The following TSHZ2 variants were observed in gnomAD, a reference collection of about 807,000 sequenced individuals.
TSHZ2 encodes the protein teashirt homolog 2.
TSHZ2 carries 21 observed loss-of-function variants against 74.4 expected under a neutral mutation model. That is an observed-to-expected ratio of 0.28 (90% confidence interval 0.20 to 0.41). The LOEUF (loss-of-function observed/expected upper bound fraction) is 0.41, where lower values mean the gene tolerates loss of function less well. Among genes scored for constraint, TSHZ2 ranks in the 10% least tolerant of loss-of-function variants. The pLI is 1.00. For synonymous variants in TSHZ2, 540 were observed against 515.3 expected (o/e 1.05, Z -0.65); for missense variants, 1,244 against 1,293.5 (o/e 0.96, Z 0.59).
chr20:52,997,116 TAGAA>T (rs1008749258), intron 1 of TSHZ2, among the ~76,000 whole-genome samples: 10 of 152,270 alleles, frequency 6.6e-5, no homozygotes, highest in Admixed American at 5.9e-4. Flanking sequence ...CAGATTGTCT[TAGAA>T]AGACATCAGT....
At chr20:53,482,744 A>C (rs1363623131) in intron 2 of TSHZ2, among the ~76,000 whole-genome samples, 1 of 151,920 alleles carries the variant, frequency 6.6e-6, no homozygotes, top group Non-Finnish European at 1.5e-5. Flanking sequence ...TCTCTACAAA[A>C]AATACAAAAA....
At chr20:53,405,248 C>CA (rs796097312) in intron 2 of TSHZ2, among the ~76,000 whole-genome samples, 117,926 of 143,384 alleles carry the variant, frequency 0.82, 49,474 homozygotes, top group South Asian at 0.92. Flanking sequence ...GACTCTGTCT[C>CA]AAAAAAAAAA....
intron 2 of TSHZ2, among the ~76,000 whole-genome samples, chr20:53,356,301 G>A (rs1241391790): frequency 6.6e-6 from 1 of 152,098 alleles, no homozygotes; most frequent in Non-Finnish European, 1.5e-5. Context: ...AAATCTGAGG[G>A]ATAATTATGA....
intron 2 of TSHZ2, among the ~76,000 whole-genome samples, chr20:53,361,303 T>C (rs926098168): frequency 2.0e-5 from 3 of 152,206 alleles, no homozygotes; most frequent in Non-Finnish European, 1.5e-5. Context: ...GGAGAAATGA[T>C]ATTTTTTAGC....
intron 2 of TSHZ2, among the ~76,000 whole-genome samples, chr20:53,274,783 TTC>T (rs1225184510): frequency 2.6e-5 from 4 of 152,174 alleles, no homozygotes; most frequent in Non-Finnish European, 5.9e-5. Context: ...CTAGCGCTCT[TTC>T]TCTTTCTTTG....
At chr20:52,987,742 C>T (rs1292470004) in intron 1 of TSHZ2, among the ~76,000 whole-genome samples, 1 of 152,138 alleles carries the variant, frequency 6.6e-6, no homozygotes, top group African/African-American at 2.4e-5. Flanking sequence ...CCAGAAAAGT[C>T]TTCAATTAAG....
intron 2 of TSHZ2, among the ~76,000 whole-genome samples, chr20:53,437,459 C>G (rs1303929258): frequency 6.6e-6 from 1 of 151,714 alleles, no homozygotes; most frequent in African/African-American, 2.4e-5. Context: ...GGTGTCAGAG[C>G]AAGACTCCAT....
In TSHZ2 at chr20:53,000,308, A is replaced by G. The variant is rs145308092; in HGVS notation, c.40+26975A>G. Among the ~76,000 whole-genome samples, 1,003 of 152,326 alleles carry G rather than the reference A, an allele frequency of 6.6e-3. 17 individuals are homozygous for G. Among genetic ancestry groups the G allele is most frequent in the African/African-American group, 0.023 (952 of 41,572 alleles). On this transcript the variant is annotated intron_variant, in intron 1 of 2. Transcript: ENST00000371497. ...TCTTAAATTTTGTCTCTTGGCCTGC[A>G]AAGCTCAAATTTACTATTTGGTCCT...
chr20:53,051,222 C>T (rs1313963135), intron 1 of TSHZ2, among the ~76,000 whole-genome samples: 1 of 152,070 alleles, frequency 6.6e-6, no homozygotes, highest in Non-Finnish European at 1.5e-5. Context: ...GCCTGTAATC[C>T]CAGCTACTTG....
chr20:53,275,090 T>C (rs564808676), intron 2 of TSHZ2, among the ~76,000 whole-genome samples: 88 of 152,152 alleles, frequency 5.8e-4, no homozygotes, highest in Non-Finnish European at 1.1e-3. Context: ...TTCCTAACAA[T>C]GGGGAAAAGT....
chr20:53,247,743 G>T (rs1237867023), intron 1 of TSHZ2, among the ~76,000 whole-genome samples: 2 of 152,166 alleles, frequency 1.3e-5, no homozygotes, highest in African/African-American at 2.4e-5. Context: ...GTAGATTGGC[G>T]AAAACGATCC....
chr20:53,144,015 A>T (rs1987477943), intron 1 of TSHZ2, among the ~76,000 whole-genome samples: 1 of 152,156 alleles, frequency 6.6e-6, no homozygotes, highest in Non-Finnish European at 1.5e-5. Context: ...TATGGAGTTG[A>T]AACTGTACTC....
intron 1 of TSHZ2, chr20:53,178,575 T>C (rs1268758718): frequency 6.6e-6 from 1 of 152,280 alleles, no homozygotes; most frequent in East Asian, 1.9e-4. Flanking sequence ...GCATATTAAA[T>C]GTACACACAA....
intron 1 of TSHZ2, among the ~76,000 whole-genome samples, chr20:52,980,604 G>A (rs759882053): frequency 1.3e-5 from 2 of 152,188 alleles, no homozygotes; most frequent in Non-Finnish European, 2.9e-5. Flanking sequence ...TAGATATTAA[G>A]GTGGGTAGAA....
intron 2 of TSHZ2, among the ~76,000 whole-genome samples, chr20:53,382,356 C>G (rs1209072347): frequency 1.3e-5 from 2 of 152,210 alleles, no homozygotes; most frequent in Non-Finnish European, 2.9e-5. Context: ...GCCTTTGACT[C>G]TCCAAAACCC....
chr20:53,127,028 G>A lies in TSHZ2; in HGVS notation c.41-126471G>A, dbSNP rs866253601. Among the ~76,000 whole-genome samples, 6 of 151,242 alleles carry A rather than the reference G, an allele frequency of 4.0e-5. No individual in the cohort carries two copies. The East Asian group carries it at 9.6e-4, about 24-fold the overall frequency. Reference sequence around the variant, plus strand: ...AAGGAAGGAAAAAGGTAAAAAAAAAGAAGAAGAGGAAGAGAAAAAGAAAGA... The same window carrying A: ...AAGGAAGGAAAAAGGTAAAAAAAAAAAAGAAGAGGAAGAGAAAAAGAAAGA... On this transcript the variant is annotated intron_variant, in intron 1 of 2. Transcript: ENST00000371497.
chr20:53,321,697 A>AAAAAAAAAAAAAAAAAAAAAAG (rs1555850300), intron 2 of TSHZ2, among the ~76,000 whole-genome samples: 2 of 140,516 alleles, frequency 1.4e-5, no homozygotes, highest in African/African-American at 2.8e-5. Context: ...AAAAAAAAAA[A>AAAAAAAAAAAAAAAAAAAAAAG]AAAGAAAGAC....
intron 1 of TSHZ2, among the ~76,000 whole-genome samples, chr20:53,174,625 C>G (rs1313814256): frequency 6.6e-6 from 1 of 152,164 alleles, no homozygotes; most frequent in Non-Finnish European, 1.5e-5. Flanking sequence ...AGTTGTCAAG[C>G]CTGGCACTCA....
At chr20:53,225,057 T>C (rs754204561) in intron 1 of TSHZ2, among the ~76,000 whole-genome samples, 13 of 152,210 alleles carry the variant, frequency 8.5e-5, no homozygotes, top group Non-Finnish European at 1.9e-4. Context: ...ACTCTGCCCT[T>C]GTAGCACAAA....
Sources: allele counts gnomAD v4.1 joint callset (sites outside exome capture counted in the v4.1 genomes callset), GRCh38; gene constraint gnomAD v4.1.1; transcripts MANE v1.5; gene names NCBI Gene and HGNC (gene_info 2026-07-23, HGNC 2026-07-21).